The following MEI4 variants were observed in gnomAD, a reference collection of about 807,000 sequenced individuals.
MEI4 encodes the protein meiosis-specific protein MEI4.
A neutral mutation model predicts 31.4 loss-of-function variants in MEI4; 27 were observed. The ratio of observed to expected loss-of-function variants is 0.86; its 90% CI spans 0.63 to 1.19. The LOEUF is 1.19. MEI4 is among the 50% of genes most tolerant of loss of function. The probability of loss-of-function intolerance (pLI) is 0.00; values close to 1 mark genes in which losing one functional copy is unlikely to be tolerated. For missense variants in MEI4, 329 were observed against 398.9 expected, an observed-to-expected ratio of 0.82 and a Z score of 1.49; for synonymous variants, 122 against 145.4, an observed-to-expected ratio of 0.84 and a Z score of 1.16.
chr6:77,836,558 A>G (rs1770222698), intron 4 of MEI4, among the ~76,000 whole-genome samples: 1 of 152,146 alleles, frequency 6.6e-6, no homozygotes, highest in African/African-American at 2.4e-5. Flanking sequence ...ATAAAAATAG[A>G]ACATGCAAAT....
At position 77,883,745 on chromosome 6, in the gene MEI4, A is replaced by ATATATATATATATATATAT. The variant is rs55947073; in HGVS notation, c.901-39344_901-39343insTATATATATATATATATAT. 4.2e-3 allele frequency among the ~76,000 whole-genome samples: 349 copies of ATATATATATATATATATAT among 82,250 alleles called. 15 individuals are homozygous for ATATATATATATATATATAT. Among genetic ancestry groups the ATATATATATATATATATAT allele is most frequent in the East Asian group, 6.0e-3 (10 of 1,658 alleles). The allele number at this position is 82,250 out of a possible 152,430, so 54.0% of individuals were successfully genotyped here. A position where few individuals can be genotyped will look rare whatever the true frequency, so the allele number is the denominator to read the frequency against. ...ATATATATATATATATATATATATA[A>ATATATATATATATATATAT]CTTTGTCTTTGTCTATTCATTTATT... On this transcript the variant is annotated intron_variant, in intron 4 of 4. Transcript: ENST00000684080.
At chr6:77,708,262 T>C (rs2127658950) in intron 2 of MEI4, among the ~76,000 whole-genome samples, 1 of 152,368 alleles carries the variant, frequency 6.6e-6, no homozygotes, top group Non-Finnish European at 1.5e-5. Flanking sequence ...GGACACTGAA[T>C]CAAGGATTTT....
At chr6:77,729,994 A>G (rs1412842338) in intron 2 of MEI4, among the ~76,000 whole-genome samples, 3 of 152,044 alleles carry the variant, frequency 2.0e-5, no homozygotes, top group African/African-American at 7.2e-5. Flanking sequence ...AGATGTGAGC[A>G]ATTGGAACTC....
intron 4 of MEI4, among the ~76,000 whole-genome samples, chr6:77,868,191 A>C (rs1054750186): frequency 2.0e-5 from 3 of 151,408 alleles, no homozygotes; most frequent in Non-Finnish European, 4.4e-5. Context: ...CACATTGTAC[A>C]CATGTACCCT....
intron 4 of MEI4, among the ~76,000 whole-genome samples, chr6:77,864,110 CA>C (rs1770950320): frequency 6.6e-6 from 1 of 152,178 alleles, no homozygotes; most frequent in Non-Finnish European, 1.5e-5. Flanking sequence ...CAATCGGTAC[CA>C]GCCACTGCAA....
chr6:77,831,722 G>A (rs1361088304), intron 4 of MEI4, among the ~76,000 whole-genome samples: 1 of 151,790 alleles, frequency 6.6e-6, no homozygotes, highest in African/African-American at 2.4e-5. Context: ...ATCATATTGA[G>A]GCAGAGAGTA....
intron 1 of MEI4, among the ~76,000 whole-genome samples, chr6:77,662,928 A>C (rs560368460): frequency 1.3e-5 from 2 of 152,350 alleles, no homozygotes; most frequent in African/African-American, 2.4e-5. Flanking sequence ...GCTTTGCAGC[A>C]GTACAGCCTA....
chr6:77,771,778 C>G (rs749605775), intron 3 of MEI4, among the ~76,000 whole-genome samples: 1 of 151,864 alleles, frequency 6.6e-6, no homozygotes, highest in Admixed American at 6.6e-5. Context: ...GACACTGGAT[C>G]CTACTGTATG....
chr6:77,748,485 C>G (rs899662834), intron 2 of MEI4, among the ~76,000 whole-genome samples: 3 of 152,176 alleles, frequency 2.0e-5, no homozygotes, highest in African/African-American at 7.2e-5. Flanking sequence ...ATACAGGGCA[C>G]CAAGTCCCTA....
At chr6:77,875,187 C>T (rs1361057194) in intron 4 of MEI4, among the ~76,000 whole-genome samples, 1 of 152,140 alleles carries the variant, frequency 6.6e-6, no homozygotes, top group Admixed American at 6.6e-5. Flanking sequence ...TGGTCTCTCT[C>T]AGTATTCTAT....
At chr6:77,701,894 C>A (rs1766231899) in intron 2 of MEI4, among the ~76,000 whole-genome samples, 1 of 151,906 alleles carries the variant, frequency 6.6e-6, no homozygotes, top group African/African-American at 2.4e-5. Flanking sequence ...AGTTTTGGGT[C>A]CCGAGAAACA....
intron 4 of MEI4, among the ~76,000 whole-genome samples, chr6:77,919,948 G>A (rs1418919839): frequency 6.8e-6 from 1 of 147,904 alleles, no homozygotes; most frequent in Non-Finnish European, 1.5e-5. Flanking sequence ...GACTGAACCA[G>A]GAAGAAGTTG....
At chr6:77,719,117 G>A (rs1483599751) in intron 2 of MEI4, among the ~76,000 whole-genome samples, 3 of 141,264 alleles carry the variant, frequency 2.1e-5, no homozygotes, top group African/African-American at 8.1e-5. Context: ...ACTTGGACAC[G>A]ACTGAGTTTG....
At chr6:77,683,741 AATAGC>A (rs1217175207) in intron 1 of MEI4, among the ~76,000 whole-genome samples, 2 of 152,188 alleles carry the variant, frequency 1.3e-5, no homozygotes, top group African/African-American at 4.8e-5. Context: ...CTAAAGACTG[AATAGC>A]ATTTCATTAT....
intron 1 of MEI4, among the ~76,000 whole-genome samples, chr6:77,665,817 G>A (rs1207262448): frequency 6.6e-6 from 1 of 152,208 alleles, no homozygotes; most frequent in East Asian, 1.9e-4. Context: ...GACAGTGAGA[G>A]AGGTTGGAGG....
At chr6:77,892,099 G>T (rs991281254) in intron 4 of MEI4, among the ~76,000 whole-genome samples, 1 of 152,186 alleles carries the variant, frequency 6.6e-6, no homozygotes, top group Non-Finnish European at 1.5e-5. Context: ...TATTGCTTGT[G>T]TGTTGTCAGT....
intron 3 of MEI4, among the ~76,000 whole-genome samples, chr6:77,806,600 A>C (rs1279959610): frequency 6.6e-6 from 1 of 152,184 alleles, no homozygotes; most frequent in African/African-American, 2.4e-5. Context: ...TGATTTATCA[A>C]GGCCATGGTG....
intron 4 of MEI4, among the ~76,000 whole-genome samples, chr6:77,844,176 A>G (rs1217154261): frequency 6.6e-6 from 1 of 152,120 alleles, no homozygotes; most frequent in African/African-American, 2.4e-5. Context: ...TAATGTCCCT[A>G]CTGATGCTTA....
At chr6:77,866,368 C>G (rs1771028474) in intron 4 of MEI4, among the ~76,000 whole-genome samples, 1 of 152,282 alleles carries the variant, frequency 6.6e-6, no homozygotes, top group South Asian at 2.1e-4. Flanking sequence ...AGCTGATAGG[C>G]AACTTCAGCA....
Sources: allele counts gnomAD v4.1 joint callset (sites outside exome capture counted in the v4.1 genomes callset), GRCh38; gene constraint gnomAD v4.1.1; transcripts MANE v1.5; gene names NCBI Gene and HGNC (gene_info 2026-07-23, HGNC 2026-07-21).